COL23A1: variants seen among roughly 807,000 people sequenced by gnomAD.
COL23A1 encodes collagen alpha-1(XXIII) chain.
COL23A1 carries 97 observed loss-of-function variants against 99.3 expected under a neutral mutation model. The ratio of observed to expected loss-of-function variants is 0.98; its 90% CI spans 0.83 to 1.16. COL23A1 has a LOEUF of 1.16. Ranked by LOEUF, COL23A1 falls within the 50% of genes most tolerant of loss-of-function variation. COL23A1 has a pLI of 0.00. For synonymous variants in COL23A1, 320 were observed against 308.2 expected (o/e 1.04, Z -0.40); for missense variants, 762 against 757.4 (o/e 1.01, Z -0.07).
chr5:178,415,988 C>T lies in COL23A1; in HGVS notation c.362-109069G>A, dbSNP rs898840782. ...GAAGGATGGGACCAGGGAGGGCGGA[C>T]GAAGCTGGGGCAGAGCCAGAGATCC... is the stretch of plus-strand genomic sequence containing the variant. On this transcript the variant is annotated intron_variant, in intron 2 of 28. Transcript: ENST00000390654. This position sits in a 1 kb window ranked among gnomAD's most constrained non-coding sequence, Gnocchi z 4.6. Among the ~76,000 whole-genome samples the T allele has an allele frequency of 6.6e-6, 1 of 152,018 alleles. No homozygotes were observed. Among genetic ancestry groups the T allele is most frequent in the African/African-American group, 2.4e-5 (1 of 41,380 alleles).
intron 2 of COL23A1, among the ~76,000 whole-genome samples, chr5:178,532,158 GA>G (rs1315885494): frequency 6.6e-6 from 1 of 152,194 alleles, no homozygotes; most frequent in Admixed American, 6.5e-5. Context: ...ATCCAGAATC[GA>G]AAAGCTGAGC....
rs192587746 is a variant in COL23A1, at chr5:178,415,871, G to A, written c.362-108952C>T. Reference sequence around the variant, plus strand: ...GCAGGATAAGGGAGAGGAGGTACTGGGTGAGGCCAGGGAGGGCTTCCGAGG... The same window carrying A: ...GCAGGATAAGGGAGAGGAGGTACTGAGTGAGGCCAGGGAGGGCTTCCGAGG... On this transcript the variant is annotated intron_variant, in intron 2 of 28. Coordinates refer to ENST00000390654, the MANE Select transcript of COL23A1 (RefSeq NM_173465.4). This position sits in a 1 kb window ranked among gnomAD's most constrained non-coding sequence, Gnocchi z 4.6. Among the ~76,000 whole-genome samples the A allele has an allele frequency of 6.6e-6, 1 of 152,292 alleles. No individual in the cohort carries two copies. Among genetic ancestry groups the A allele is most frequent in the East Asian group, 1.9e-4 (1 of 5,164 alleles).
chr5:178,445,682 T>G (rs1767118493), intron 2 of COL23A1, among the ~76,000 whole-genome samples: 1 of 152,124 alleles, frequency 6.6e-6, no homozygotes, highest in Non-Finnish European at 1.5e-5. Context: ...ACAGAGAGTT[T>G]AAATATTTAA....
At chr5:178,355,686 C>T (rs1761605511) in intron 2 of COL23A1, among the ~76,000 whole-genome samples, 1 of 152,182 alleles carries the variant, frequency 6.6e-6, no homozygotes, top group Admixed American at 6.5e-5. Flanking sequence ...GCTCACGCCG[C>T]CAAGGATGTT....
chr5:178,422,821 T>C lies in COL23A1; in HGVS notation c.362-115902A>G, dbSNP rs1278149143. ...GTCATTATAATTGTAGTATAATTAC[T>C]GAGTATAATTATAAATAATTATAAA... On this transcript the variant is annotated intron_variant, in intron 2 of 28. Transcript: ENST00000390654. Among the ~76,000 whole-genome samples the C allele has an allele frequency of 7.2e-5, 11 of 152,306 alleles. No homozygotes were observed. The East Asian group carries it at 2.1e-3, about 29-fold the overall frequency.
At chr5:178,447,520 T>C (rs1425957894) in intron 2 of COL23A1, among the ~76,000 whole-genome samples, 1 of 152,236 alleles carries the variant, frequency 6.6e-6, no homozygotes, top group African/African-American at 2.4e-5. Flanking sequence ...ATACTAACCA[T>C]TGTGTTACAA....
chr5:178,479,459 G>A (rs1467886143), intron 2 of COL23A1, among the ~76,000 whole-genome samples: 5 of 152,310 alleles, frequency 3.3e-5, no homozygotes, highest in Non-Finnish European at 7.3e-5. Flanking sequence ...ATGCGCCACA[G>A]CGGCCGGTGA....
chr5:178,341,803 G>A (rs573222705), intron 2 of COL23A1, among the ~76,000 whole-genome samples: 1 of 152,104 alleles, frequency 6.6e-6, no homozygotes, highest in Admixed American at 6.6e-5. Context: ...CACCCCGCCC[G>A]CCTCAGGACC....
intron 3 of COL23A1, among the ~76,000 whole-genome samples, chr5:178,291,177 G>A (rs952045982): frequency 1.6e-4 from 25 of 152,112 alleles, no homozygotes; most frequent in Admixed American, 1.4e-3. Context: ...TAAGCCACGC[G>A]GCTGCCAAAC....
chr5:178,300,739 T>TTTATTTATTTA lies in COL23A1; in HGVS notation c.406+6135_406+6136insTAAATAAATAA, dbSNP rs550201149. On this transcript the variant is annotated intron_variant, in intron 3 of 28. Coordinates refer to ENST00000390654, the MANE Select transcript of COL23A1 (RefSeq NM_173465.4). ...AGCTTTTGTATTTATTTATTTATTT[T>TTTATTTATTTA]TTTTAGTAGAGATGGGATTTCACCA... Among the ~76,000 whole-genome samples, 23 of 80,978 alleles carry TTTATTTATTTA rather than the reference T, an allele frequency of 2.8e-4. No homozygotes were observed. In the South Asian group the frequency reaches 5.3e-3, roughly 19 times the overall value. 53.1% of individuals were successfully genotyped at this position (80,978 alleles called of 152,430 possible).
At chr5:178,509,500 C>A (rs375077691) in intron 2 of COL23A1, among the ~76,000 whole-genome samples, 1 of 152,152 alleles carries the variant, frequency 6.6e-6, no homozygotes, top group Admixed American at 6.5e-5. Flanking sequence ...GGATTACAGG[C>A]GTGAGCCACC....
In COL23A1 at chr5:178,434,737, C is replaced by T. The variant is rs750555810; in HGVS notation, c.361+125945G>A. ...TGCCTCCCCAACATCTCCACTTCAC[C>T]GCTGAGGAAACTGAGGCCTGGGATG... On this transcript the variant is annotated intron_variant, in intron 2 of 28. Coordinates refer to ENST00000390654, the MANE Select transcript of COL23A1 (RefSeq NM_173465.4). The surrounding 1 kb of genome is among the most constrained non-coding windows in gnomAD (Gnocchi z 4.3). Among the ~76,000 whole-genome samples, 8 of 152,236 alleles carry T rather than the reference C, an allele frequency of 5.3e-5. No homozygotes were observed. The highest frequency in any genetic ancestry group is 2.1e-4 in the South Asian group (1 of 4,832).
chr5:178,321,740 C>T (rs1759326849), intron 2 of COL23A1, among the ~76,000 whole-genome samples: 1 of 152,052 alleles, frequency 6.6e-6, no homozygotes, highest in South Asian at 2.1e-4. Context: ...CCACCCGCCT[C>T]AGCCTCCCAA....
At chr5:178,561,957 A>C (rs1008153162) in intron 1 of COL23A1, 1 of 390,854 alleles carries the variant, frequency 2.6e-6, no homozygotes, top group East Asian at 7.0e-5. Flanking sequence ...CTGCCATTTC[A>C]GCCTCATTTT....
chr5:178,464,802 C>G (rs546937586), intron 2 of COL23A1, among the ~76,000 whole-genome samples: 10 of 152,092 alleles, frequency 6.6e-5, no homozygotes, highest in Non-Finnish European at 1.5e-4. Flanking sequence ...TCCCGTGAGG[C>G]CTCAGCCTTA....
rs916387160 is a variant in COL23A1 at position 178,409,000 on chromosome 5, A to G, written c.362-102081T>C. Among the ~76,000 whole-genome samples, 9 of 149,014 alleles carry G rather than the reference A, an allele frequency of 6.0e-5. No homozygotes were observed. In the East Asian group the frequency reaches 7.8e-4, roughly 13 times the overall value. On this transcript the variant is annotated intron_variant, in intron 2 of 28. Coordinates refer to ENST00000390654, the MANE Select transcript of COL23A1 (RefSeq NM_173465.4). The stretch of plus-strand genomic sequence containing the variant: ...TACACACACACACACACACACACAC[A>G]CACACACACACACACACACACATCA...
At chr5:178,429,325 G>T (rs1766126527) in intron 2 of COL23A1, among the ~76,000 whole-genome samples, 1 of 152,078 alleles carries the variant, frequency 6.6e-6, no homozygotes, top group Non-Finnish European at 1.5e-5. Flanking sequence ...CGAGCGAAGG[G>T]CCCCTCCTCT....
intron 2 of COL23A1, among the ~76,000 whole-genome samples, chr5:178,455,268 C>T (rs1268850372): frequency 6.6e-6 from 1 of 152,186 alleles, no homozygotes; most frequent in African/African-American, 2.4e-5. Flanking sequence ...CACGGGCCTG[C>T]CCGTGGGCCC....
chr5:178,392,601 AG>A (rs1764025789), intron 2 of COL23A1, among the ~76,000 whole-genome samples: 1 of 152,218 alleles, frequency 6.6e-6, no homozygotes, highest in Non-Finnish European at 1.5e-5. Context: ...ACGAGGCCAC[AG>A]GAAGTCCACT....
Sources: gnomAD v4.1 joint callset for allele counts (sites outside exome capture counted in the v4.1 genomes callset) on GRCh38, gnomAD v4.1.1 for gene constraint, Gnocchi (gnomAD v3.1) non-coding constraint, MANE v1.5 for transcripts, NCBI Gene and HGNC (gene_info 2026-07-23, HGNC 2026-07-21) for gene names.